Variants in CFAP46 observed in about 807,000 individuals in gnomAD.
The protein encoded by CFAP46 is cilia- and flagella-associated protein 46.
In CFAP46, 245 loss-of-function variants were observed where a neutral mutation model predicts 325.7. The ratio of observed to expected loss-of-function variants is 0.75; its 90% CI spans 0.68 to 0.84. The LOEUF is 0.84. Ranked by LOEUF, CFAP46 falls within the 40% of genes least tolerant of loss-of-function variation. The probability of loss-of-function intolerance (pLI) is 0.00; values close to 1 mark genes in which losing one functional copy is unlikely to be tolerated. For synonymous variants in CFAP46, 1,523 were observed against 1,495.9 expected (o/e 1.02, Z -0.42); for missense variants, 3,346 against 3,543.0 (o/e 0.94, Z 1.41).
At chr10:132,822,493 GC>G (rs1847883626) in intron 50 of CFAP46, among the ~76,000 whole-genome samples, 1 of 127,914 alleles carries the variant, frequency 7.8e-6, no homozygotes, top group Non-Finnish European at 1.6e-5. Context: ...TGCTGTGTGT[GC>G]TGATGTGTGC....
chr10:132,910,608 G>A (rs539334762), intron 19 of CFAP46, among the ~76,000 whole-genome samples: 5 of 152,324 alleles, frequency 3.3e-5, no homozygotes, highest in African/African-American at 7.2e-5. Context: ...TCTATGGGTC[G>A]TCGTGAGGAT....
chr10:132,853,254 A>G (rs1285755217), intron 39 of CFAP46, among the ~76,000 whole-genome samples: 1 of 152,232 alleles, frequency 6.6e-6, no homozygotes, highest in Non-Finnish European at 1.5e-5. Context: ...AGTGTTTACC[A>G]GGAATGGGTG....
intron 50 of CFAP46, among the ~76,000 whole-genome samples, chr10:132,824,741 C>CTGA (rs1591037242): frequency 1.3e-5 from 1 of 74,988 alleles, no homozygotes; most frequent in African/African-American, 6.4e-5. Flanking sequence ...TGTGTGTGTG[C>CTGA]TGTGTGCTGT....
In CFAP46 at chr10:132,876,588, C is replaced by T. The variant is rs999527241; in HGVS notation, c.4362+224G>A. 5.9e-5 allele frequency among the ~76,000 whole-genome samples: 9 copies of T among 152,138 alleles called. No individual in the cohort carries two copies. Among genetic ancestry groups the T allele is most frequent in the Non-Finnish European group, 4.4e-5 (3 of 68,030 alleles). ...AACACCTGTCCTGTCTCACTAGGTA[C>T]GTGTTGGACTTGAGTGGGGAAAGAA... is the stretch of plus-strand genomic sequence containing the variant. On this transcript the variant is annotated intron_variant, in intron 31 of 57. Coordinates refer to ENST00000368586, the MANE Select transcript of CFAP46 (RefSeq NM_001200049.3). The surrounding 1 kb of genome is among the most constrained non-coding windows in gnomAD (Gnocchi z 4.1).
intron 35 of CFAP46, among the ~76,000 whole-genome samples, chr10:132,861,490 G>A (rs1014801229): frequency 5.3e-5 from 8 of 152,314 alleles, no homozygotes; most frequent in South Asian, 4.1e-4. Flanking sequence ...AGGGGCTCCC[G>A]CTTGGGGCGA....
At position 132,828,324 on chromosome 10, in the gene CFAP46, G is replaced by A. The variant is rs1848093000; in HGVS notation, c.7117+5034C>T. 6.6e-6 allele frequency among the ~76,000 whole-genome samples: 1 copy of A among 152,224 alleles called. No individual in the cohort carries two copies. Among genetic ancestry groups the A allele is most frequent in the African/African-American group, 2.4e-5 (1 of 41,454 alleles). ...AGCATTCACCATTCCCACCAGCCGA[G>A]TATGAGGGTTCCGGTTCCACACCCT... On this transcript the variant is annotated intron_variant, in intron 50 of 57. Coordinates refer to ENST00000368586, the MANE Select transcript of CFAP46 (RefSeq NM_001200049.3). This position sits in a 1 kb window ranked among gnomAD's most constrained non-coding sequence, Gnocchi z 4.9.
chr10:132,884,958 A>T lies in CFAP46; in HGVS notation c.3627+145T>A. 4.7e-6 allele frequency: 4 copies of T among 848,250 alleles called. No individual in the cohort carries two copies. The highest frequency in any genetic ancestry group is 7.1e-6 in the Non-Finnish European group (4 of 566,632). The allele number at this position is 848,250 out of a possible 1,614,324, so 52.5% of individuals were successfully genotyped here. A position where few individuals can be genotyped will look rare whatever the true frequency, so the allele number is the denominator to read the frequency against. On this transcript the variant is annotated intron_variant, in intron 27 of 57. Coordinates refer to ENST00000368586, the MANE Select transcript of CFAP46 (RefSeq NM_001200049.3). This position sits in a 1 kb window ranked among gnomAD's most constrained non-coding sequence, Gnocchi z 5.4. The stretch of plus-strand genomic sequence containing the variant: ...GTCAGCAAGAGGAGTGCCCGGGGCC[A>T]CGCGGTGCATTCTCTGTGCCCGTCA...
intron 50 of CFAP46, among the ~76,000 whole-genome samples, chr10:132,830,162 G>C (rs898600889): frequency 5.4e-5 from 8 of 148,450 alleles, no homozygotes; most frequent in Admixed American, 3.4e-4. Context: ...CTTTTTTTTT[G>C]AGATGGAGTC....
rs751116255 is a variant in CFAP46 at position 132,834,719 on chromosome 10, G to A, written c.6801C>T (p.Ser2267=). Residue 2267 remains serine (S), a synonymous_variant, in exon 48 of 58, where the codon AGC becomes AGT. Transcript: ENST00000368586. ...EKERPVQRLS[S]VLGPLEELLQ... The stretch of plus-strand genomic sequence containing the variant: ...GAAGCTCCTCCAGGGGCCCCAGGAC[G>A]CTACTGAGCCTCTGCACAGGGCGCT... 9.5e-5 allele frequency: 154 copies of A among 1,612,922 alleles called. No homozygotes were observed. Among genetic ancestry groups the A allele is most frequent in the South Asian group, 1.9e-4 (17 of 90,970 alleles).
intron 25 of CFAP46, among the ~76,000 whole-genome samples, chr10:132,891,269 C>T (rs941669527): frequency 2.0e-5 from 3 of 152,210 alleles, no homozygotes; most frequent in South Asian, 2.1e-4. Flanking sequence ...ATGGGCCCTC[C>T]TCTCGGCCAA....
chr10:132,898,848 C>T (rs1382576704), intron 24 of CFAP46, 111 bp downstream of exon 24: 6 of 1,392,950 alleles, frequency 4.3e-6, no homozygotes, highest in Non-Finnish European at 5.0e-6. Flanking sequence ...CTGGTGCACC[C>T]TCTGGGAGGC....
chr10:132,853,043 T>C (rs1237639082), intron 39 of CFAP46, among the ~76,000 whole-genome samples: 1 of 151,964 alleles, frequency 6.6e-6, no homozygotes, highest in Non-Finnish European at 1.5e-5. Context: ...GCTTTTAATT[T>C]CCTTTTTTCC....
At chr10:132,822,795 G>GTGTGCAGTGA (rs1400137001) in intron 50 of CFAP46, among the ~76,000 whole-genome samples, 13 of 142,614 alleles carry the variant, frequency 9.1e-5, no homozygotes, top group South Asian at 7.0e-4. Flanking sequence ...TGTGTGCTGT[G>GTGTGCAGTGA]TGTGTGCTGA....
intron 50 of CFAP46, among the ~76,000 whole-genome samples, chr10:132,816,717 C>A (rs939114825): frequency 1.2e-4 from 18 of 152,164 alleles, no homozygotes; most frequent in Admixed American, 3.9e-4. Context: ...ATCTGCAATA[C>A]CTTCTAAGTT....
At chr10:132,875,460 G>A (rs1201357961) in intron 31 of CFAP46, among the ~76,000 whole-genome samples, 3 of 152,234 alleles carry the variant, frequency 2.0e-5, no homozygotes, top group African/African-American at 7.2e-5. Context: ...AATGAGGTAA[G>A]GAGATTTTCT....
intron 25 of CFAP46, among the ~76,000 whole-genome samples, chr10:132,887,958 TCCTCTCTCTCTCCG>T (rs1849188005): frequency 1.1e-5 from 1 of 88,408 alleles, no homozygotes; most frequent in Non-Finnish European, 2.0e-5. Flanking sequence ...CTCTCTCCGC[TCCTCTCTCTCTCCG>T]CTCCTCTCTC....
chr10:132,811,933 C>G (rs1037618870), intron 55 of CFAP46, among the ~76,000 whole-genome samples: 3 of 152,236 alleles, frequency 2.0e-5, no homozygotes, highest in Admixed American at 6.5e-5. Context: ...ATGGGGGGCA[C>G]AGCAACTCCC....
At chr10:132,905,577 G>A (rs1314150334) in intron 22 of CFAP46, among the ~76,000 whole-genome samples, 1 of 151,474 alleles carries the variant, frequency 6.6e-6, no homozygotes, top group Admixed American at 6.6e-5. Context: ...ATTTTGACCT[G>A]ATATGTGACT....
intron 20 of CFAP46, 41 bp from the exon 21 acceptor site, chr10:132,909,285 C>A (rs756375555): frequency 2.2e-6 from 3 of 1,394,002 alleles, no homozygotes; most frequent in South Asian, 2.5e-5. Context: ...CCCAAGCGTG[C>A]GGGGGGAGTC....
Sources: gnomAD v4.1 joint callset for allele counts (sites outside exome capture counted in the v4.1 genomes callset) on GRCh38, gnomAD v4.1.1 for gene constraint, Gnocchi (gnomAD v3.1) non-coding constraint, MANE v1.5 for transcripts, NCBI Gene and HGNC (gene_info 2026-07-23, HGNC 2026-07-21) for gene names.